GALNTL6: variants seen among roughly 807,000 people sequenced by gnomAD.
GALNTL6 encodes polypeptide N-acetylgalactosaminyltransferase like 6, also known as polypeptide N-acetylgalactosaminyltransferase-like 6.
In GALNTL6, 46 loss-of-function variants were observed where a neutral mutation model predicts 73.7. That is an observed-to-expected ratio of 0.62 (90% CI 0.49 to 0.80). GALNTL6 has a LOEUF of 0.80. Ranked by LOEUF, GALNTL6 falls within the 30% of genes least tolerant of loss-of-function variation. The pLI is 0.00. For missense variants in GALNTL6, 604 were observed against 755.0 expected, an observed-to-expected ratio of 0.80 and a Z score of 2.34; for synonymous variants, 259 against 263.7, an observed-to-expected ratio of 0.98 and a Z score of 0.17.
At chr4:171,845,177 T>G (rs1406852118) in intron 2 of GALNTL6, among the ~76,000 whole-genome samples, 2 of 152,194 alleles carry the variant, frequency 1.3e-5, no homozygotes, top group African/African-American at 4.8e-5. Context: ...CTGATACTTC[T>G]TAACTGTTTT....
At chr4:172,664,737 T>C (rs1024874809) in intron 5 of GALNTL6, among the ~76,000 whole-genome samples, 2 of 152,328 alleles carry the variant, frequency 1.3e-5, no homozygotes, top group Admixed American at 1.3e-4. Context: ...AGACTCTCTT[T>C]CTTCCTACAT....
At chr4:172,496,024 G>A (rs142099063) in intron 5 of GALNTL6, among the ~76,000 whole-genome samples, 175 of 152,220 alleles carry the variant, frequency 1.1e-3, no homozygotes, top group African/African-American at 3.7e-3. Context: ...CCGTTTGTGC[G>A]TTTTTGTATG....
chr4:172,023,118 A>G (rs755081738), intron 2 of GALNTL6, among the ~76,000 whole-genome samples: 4 of 151,950 alleles, frequency 2.6e-5, no homozygotes, highest in Non-Finnish European at 5.9e-5. Flanking sequence ...TATCTTATGT[A>G]ATGATAATTT....
chr4:172,541,761 T>G (rs996506487), intron 5 of GALNTL6, among the ~76,000 whole-genome samples: 1 of 152,164 alleles, frequency 6.6e-6, no homozygotes, highest in Non-Finnish European at 1.5e-5. Context: ...CGAAGTTGTA[T>G]GCATGCTCAC....
At chr4:172,119,102 G>A (rs13122944) in intron 2 of GALNTL6, among the ~76,000 whole-genome samples, 2,105 of 152,036 alleles carry the variant, frequency 0.014, 49 homozygotes, top group African/African-American at 0.046. Flanking sequence ...GTGAATATTG[G>A]TTTCAATATT....
chr4:172,556,316 G>T (rs1281012937), intron 5 of GALNTL6, among the ~76,000 whole-genome samples: 5 of 151,962 alleles, frequency 3.3e-5, no homozygotes, highest in African/African-American at 1.2e-4. Flanking sequence ...CAGGAGAGGG[G>T]AGTTTTGGAT....
At chr4:172,504,159 C>CAAAAAAAAAAAA (rs775200126) in intron 5 of GALNTL6, among the ~76,000 whole-genome samples, 307 of 5,150 alleles carry the variant, frequency 0.06, 117 homozygotes, top group African/African-American at 0.14. Flanking sequence ...GACTCTGTCT[C>CAAAAAAAAAAAA]AAAAAAAAAA....
chr4:172,311,574 T>A, intron 3 of GALNTL6, 40 bp from the exon 4 acceptor site: 1 of 1,561,684 alleles, frequency 6.4e-7, no homozygotes, highest in Non-Finnish European at 8.7e-7. Flanking sequence ...TAAAATGGCT[T>A]TTATAGAGAT....
At chr4:172,615,296 T>C (rs1181332894) in intron 5 of GALNTL6, among the ~76,000 whole-genome samples, 1 of 152,198 alleles carries the variant, frequency 6.6e-6, no homozygotes, top group African/African-American at 2.4e-5. Flanking sequence ...TATATACCTC[T>C]TATTGTTTTT....
intron 5 of GALNTL6, among the ~76,000 whole-genome samples, chr4:172,406,226 G>C: frequency 6.6e-6 from 1 of 151,808 alleles, no homozygotes; most frequent in East Asian, 1.9e-4. Context: ...GGGTCTTGTA[G>C]TGTTATTCAG....
intron 2 of GALNTL6, among the ~76,000 whole-genome samples, chr4:171,836,468 TCTA>T (rs1019507885): frequency 1.2e-3 from 183 of 152,208 alleles, no homozygotes; most frequent in African/African-American, 4.2e-3. Context: ...TGATAATATT[TCTA>T]CTATCATCTT....
intron 5 of GALNTL6, among the ~76,000 whole-genome samples, chr4:172,730,247 C>T (rs2111386472): frequency 6.6e-6 from 1 of 152,242 alleles, no homozygotes; most frequent in African/African-American, 2.4e-5. Context: ...ATTGTTCTGG[C>T]CAGGACTTCC....
At chr4:172,778,123 T>C (rs1739171749) in intron 5 of GALNTL6, among the ~76,000 whole-genome samples, 1 of 152,266 alleles carries the variant, frequency 6.6e-6, no homozygotes, top group African/African-American at 2.4e-5. Flanking sequence ...TAAGTGGCAT[T>C]GGCCATTGAC....
chr4:173,032,036 C>T (rs961483538), intron 12 of GALNTL6, among the ~76,000 whole-genome samples: 1 of 152,154 alleles, frequency 6.6e-6, no homozygotes, highest in East Asian at 1.9e-4. Context: ...TTGTGCAAGG[C>T]CCTGAGATAA....
At chr4:172,133,749 G>A (rs1733561732) in intron 2 of GALNTL6, among the ~76,000 whole-genome samples, 1 of 152,136 alleles carries the variant, frequency 6.6e-6, no homozygotes, top group South Asian at 2.1e-4. Context: ...CACTTACTAT[G>A]TTCAAAGCTG....
chr4:172,550,107 A>G (rs1335977800), intron 5 of GALNTL6, among the ~76,000 whole-genome samples: 1 of 152,196 alleles, frequency 6.6e-6, no homozygotes, highest in Non-Finnish European at 1.5e-5. Flanking sequence ...TATCACAAAT[A>G]TACATATATT....
intron 3 of GALNTL6, among the ~76,000 whole-genome samples, chr4:172,304,838 G>A (rs987216537): frequency 3.3e-5 from 5 of 151,952 alleles, no homozygotes; most frequent in Admixed American, 6.6e-5. Flanking sequence ...CCCTAGCCCC[G>A]TACTTAACAC....
At chr4:172,887,968 T>C (rs1454441145) in intron 8 of GALNTL6, among the ~76,000 whole-genome samples, 2 of 152,254 alleles carry the variant, frequency 1.3e-5, no homozygotes, top group Non-Finnish European at 2.9e-5. Context: ...TGAGCATGTA[T>C]CAATATGTTT....
chr4:172,459,917 A>T (rs1231901059), intron 5 of GALNTL6, among the ~76,000 whole-genome samples: 2 of 152,250 alleles, frequency 1.3e-5, no homozygotes, highest in African/African-American at 4.8e-5. Flanking sequence ...GACAATCTTA[A>T]GCAAAAAGAA....
Sources: gnomAD v4.1 joint callset for allele counts (sites outside exome capture counted in the v4.1 genomes callset) on GRCh38, gnomAD v4.1.1 for gene constraint, MANE v1.5 for transcripts, NCBI Gene and HGNC (gene_info 2026-07-23, HGNC 2026-07-21) for gene names.